Variants in PTPRD observed in about 807,000 individuals in gnomAD.
PTPRD encodes receptor-type tyrosine-protein phosphatase delta.
A neutral mutation model predicts 214.5 loss-of-function variants in PTPRD; 34 were observed. That is an observed-to-expected ratio of 0.16 (90% CI 0.12 to 0.21). The LOEUF is 0.21. Ranked by LOEUF, PTPRD falls within the 10% of genes least tolerant of loss-of-function variation. The pLI is 1.00. For missense variants in PTPRD, 2,545 were observed against 2,398.7 expected (o/e 1.06, Z -1.27); for synonymous variants, 1,128 against 845.7 (o/e 1.33, Z -5.79).
chr9:9,955,967 G>A (rs1181054480), intron 4 of PTPRD, among the ~76,000 whole-genome samples: 1 of 152,102 alleles, frequency 6.6e-6, no homozygotes, highest in Non-Finnish European at 1.5e-5. Context: ...TAACAGGAGT[G>A]GTGGGGGGGA....
In PTPRD at chr9:10,493,543, C is replaced by T. The variant is rs111965177; in HGVS notation, c.-600+118855G>A. ...AATGGTGTTGGGAAAATTGGCTAGC[C>T]ATATGCAGAAAACTGAAACTGGACC... is the stretch of plus-strand genomic sequence containing the variant. On this transcript the variant is annotated intron_variant, in intron 2 of 45. Coordinates refer to ENST00000381196, the MANE Select transcript of PTPRD (RefSeq NM_002839.4). 5.4e-3 allele frequency among the ~76,000 whole-genome samples: 821 copies of T among 152,150 alleles called. 5 individuals carry two copies. Among genetic ancestry groups the T allele is most frequent in the African/African-American group, 0.019 (790 of 41,510 alleles).
intron 3 of PTPRD, among the ~76,000 whole-genome samples, chr9:10,339,866 A>C (rs1169244172): frequency 6.6e-6 from 1 of 151,834 alleles, no homozygotes; most frequent in Non-Finnish European, 1.5e-5. Context: ...AAGTAAAAAT[A>C]TAATTTTGAA....
chr9:8,968,969 C>T (rs2099218343), intron 11 of PTPRD, among the ~76,000 whole-genome samples: 1 of 151,914 alleles, frequency 6.6e-6, no homozygotes, highest in South Asian at 2.1e-4. Flanking sequence ...GTGTCTAAAA[C>T]TGACAAGAGA....
At chr9:9,981,066 TTGA>T (rs34451331) in intron 4 of PTPRD, among the ~76,000 whole-genome samples, 112,975 of 151,780 alleles carry the variant, frequency 0.74, 42,748 homozygotes, top group Middle Eastern at 0.88. Context: ...TCTCCAAAAG[TTGA>T]TGAATGCACC....
chr9:9,331,374 T>C lies in PTPRD; in HGVS notation c.-203+66075A>G, dbSNP rs145488549. 1.6e-3 allele frequency among the ~76,000 whole-genome samples: 251 copies of C among 152,242 alleles called. 1 individual carries two copies. The highest frequency in any genetic ancestry group is 5.9e-3 in the African/African-American group (247 of 41,562). On this transcript the variant is annotated intron_variant, in intron 9 of 45. Transcript: ENST00000381196. Reference sequence around the variant, plus strand: ...GTATGATTGCCTGGCTCATTCTTTCTCGGGATAATTCATAGGTGGTAGATC... The same window carrying C: ...GTATGATTGCCTGGCTCATTCTTTCCCGGGATAATTCATAGGTGGTAGATC...
intron 2 of PTPRD, among the ~76,000 whole-genome samples, chr9:10,380,525 C>A (rs2154483161): frequency 6.6e-6 from 1 of 152,142 alleles, no homozygotes; most frequent in African/African-American, 2.4e-5. Context: ...CACTAATCAG[C>A]AAAATGTGTC....
Position 9,948,228 on chromosome 9 carries a change from C to G in PTPRD, c.-471-9618G>C, listed in dbSNP as rs994508355. On this transcript the variant is annotated intron_variant, in intron 4 of 45. Transcript: ENST00000381196. ...ATCCTCCTAAAGCACAGTTTTTGTT[C>G]TATTACTATACTTATGAACTGCACT... Among the ~76,000 whole-genome samples the G allele has an allele frequency of 4.6e-5, 7 of 152,072 alleles. No individual in the cohort carries two copies. The East Asian group carries it at 1.2e-3, about 25-fold the overall frequency.
At chr9:10,081,435 G>C (rs149619629) in intron 3 of PTPRD, among the ~76,000 whole-genome samples, 1 of 151,970 alleles carries the variant, frequency 6.6e-6, no homozygotes, top group Non-Finnish European at 1.5e-5. Context: ...GAGGTGGAGC[G>C]TTTGGGAGGC....
chr9:10,054,322 C>T (rs2097583374), intron 3 of PTPRD, among the ~76,000 whole-genome samples: 1 of 152,110 alleles, frequency 6.6e-6, no homozygotes, highest in African/African-American at 2.4e-5. Flanking sequence ...TTTTATGCGT[C>T]TCTCATTCAT....
chr9:9,536,055 G>C lies in PTPRD; in HGVS notation c.-237+38677C>G, dbSNP rs950484628. ...TGCTGATCTGGTAATCAGGGACAAGGATACTGGTTAGATATAACAGTATCT... is the reference window on the plus strand; with the variant it reads ...TGCTGATCTGGTAATCAGGGACAAGCATACTGGTTAGATATAACAGTATCT... On this transcript the variant is annotated intron_variant, in intron 8 of 45. Coordinates refer to ENST00000381196, the MANE Select transcript of PTPRD (RefSeq NM_002839.4). 5.4e-4 allele frequency among the ~76,000 whole-genome samples: 82 copies of C among 152,136 alleles called. 1 individual carries two copies. The highest frequency in any genetic ancestry group is 2.0e-3 in the African/African-American group (81 of 41,516).
intron 10 of PTPRD, among the ~76,000 whole-genome samples, chr9:9,021,245 A>G (rs996524077): frequency 6.6e-6 from 1 of 152,214 alleles, no homozygotes; most frequent in Non-Finnish European, 1.5e-5. Context: ...GACTGCATAT[A>G]TGACAGTGGT....
chr9:10,575,012 G>T (rs1009338421), intron 2 of PTPRD, among the ~76,000 whole-genome samples: 22 of 151,440 alleles, frequency 1.5e-4, no homozygotes, highest in African/African-American at 5.1e-4. Flanking sequence ...AAAATCATCA[G>T]GAAAGATACA....
At chr9:9,891,155 A>G (rs1048047427) in intron 5 of PTPRD, among the ~76,000 whole-genome samples, 30 of 152,120 alleles carry the variant, frequency 2.0e-4, no homozygotes, top group African/African-American at 7.0e-4. Flanking sequence ...TAGTCAGCCA[A>G]CCAACGGTAT....
At chr9:9,358,514 G>C (rs1270306861) in intron 9 of PTPRD, among the ~76,000 whole-genome samples, 1 of 151,206 alleles carries the variant, frequency 6.6e-6, no homozygotes, top group East Asian at 1.9e-4. Context: ...AAAAAGCTCA[G>C]AATTAAAATG....
intron 2 of PTPRD, among the ~76,000 whole-genome samples, chr9:10,525,269 C>T (rs774440088): frequency 5.9e-5 from 9 of 152,082 alleles, no homozygotes; most frequent in South Asian, 4.1e-4. Context: ...GCAATAATAA[C>T]ATTAGAAACA....
intron 2 of PTPRD, among the ~76,000 whole-genome samples, chr9:10,562,798 C>T (rs1290569594): frequency 6.6e-6 from 1 of 152,092 alleles, no homozygotes; most frequent in Non-Finnish European, 1.5e-5. Flanking sequence ...AGCCACCTTT[C>T]AGTCATGTGA....
chr9:10,599,542 AG>A (rs1479547277), intron 2 of PTPRD, among the ~76,000 whole-genome samples: 1 of 151,766 alleles, frequency 6.6e-6, no homozygotes, highest in African/African-American at 2.4e-5. Context: ...AGGGTGGTTA[AG>A]AATTCTTAGA....
intron 3 of PTPRD, among the ~76,000 whole-genome samples, chr9:10,189,821 G>A (rs537515794): frequency 6.6e-6 from 1 of 152,242 alleles, no homozygotes; most frequent in South Asian, 2.1e-4. Flanking sequence ...CTCAAAGAAG[G>A]AGTAGGAGTT....
At chr9:9,479,215 GC>G (rs769053229) in intron 8 of PTPRD, among the ~76,000 whole-genome samples, 3,882 of 20,360 alleles carry the variant, frequency 0.19, 122 homozygotes, top group Middle Eastern at 0.22. Flanking sequence ...ACACACACAC[GC>G]CCCCCCCCCC....
Sources: gnomAD v4.1 joint callset for allele counts (sites outside exome capture counted in the v4.1 genomes callset) on GRCh38, gnomAD v4.1.1 for gene constraint, MANE v1.5 for transcripts, NCBI Gene and HGNC (gene_info 2026-07-23, HGNC 2026-07-21) for gene names.